CEMIP2: variants seen among roughly 807,000 people sequenced by gnomAD.
CEMIP2 encodes cell surface hyaluronidase CEMIP2.
CEMIP2 carries 79 observed loss-of-function variants against 146.9 expected under a neutral mutation model. That is an observed-to-expected ratio of 0.54 (90% CI 0.45 to 0.65). The LOEUF (loss-of-function observed/expected upper bound fraction) is 0.65. CEMIP2 is among the 30% of genes least tolerant of loss of function. CEMIP2 has a pLI of 0.00. For missense variants in CEMIP2, 1,596 were observed against 1,696.2 expected (o/e 0.94, Z 1.04); for synonymous variants, 601 against 606.3 (o/e 0.99, Z 0.13).
chr9:71,685,341 C>T lies in CEMIP2; in HGVS notation c.4008G>A (p.Lys1336=), dbSNP rs1254629659. 6.3e-7 allele frequency: 1 copy of T among 1,596,256 alleles called. No individual in the cohort carries two copies. Among genetic ancestry groups the T allele is most frequent in the East Asian group, 2.3e-5 (1 of 44,350 alleles). ...FSGNFKPSWT[K]LFTSPAGQGL... ...CCTGTCCAGCAGGACTGGTAAATAG[C>T]TTAGTCCATGATGGTTTAAAGTTTC... Residue 1336 remains lysine (K), a synonymous_variant, in exon 24 of 24, where the codon AAG becomes AAA. Coordinates refer to ENST00000377044, the MANE Select transcript of CEMIP2 (RefSeq NM_013390.3).
chr9:71,720,816 T>C (rs921121717), intron 12 of CEMIP2, among the ~76,000 whole-genome samples: 6 of 152,214 alleles, frequency 3.9e-5, no homozygotes, highest in African/African-American at 7.2e-5. Context: ...TCAGTTCTTT[T>C]CAATAACAAC....
chr9:71,692,177 T>G (rs535797374), intron 21 of CEMIP2, among the ~76,000 whole-genome samples: 1 of 151,704 alleles, frequency 6.6e-6, no homozygotes, highest in South Asian at 2.1e-4. Context: ...GGAAGAGTTT[T>G]CAGATAATGA....
At chr9:71,688,359 T>C (rs1031552476) in intron 22 of CEMIP2, among the ~76,000 whole-genome samples, 1 of 152,092 alleles carries the variant, frequency 6.6e-6, no homozygotes, top group South Asian at 2.1e-4. Flanking sequence ...TTAAGTTTCA[T>C]GCTGGTATGG....
At chr9:71,710,937 T>C (rs1822887574) in intron 16 of CEMIP2, among the ~76,000 whole-genome samples, 1 of 152,214 alleles carries the variant, frequency 6.6e-6, no homozygotes, top group Admixed American at 6.5e-5. Flanking sequence ...TTGATAAACC[T>C]ATCAAGCTCT....
At chr9:71,726,220 C>T (rs12341671) in intron 10 of CEMIP2, among the ~76,000 whole-genome samples, 1,675 of 152,238 alleles carry the variant, frequency 0.011, 31 homozygotes, top group African/African-American at 0.037. Flanking sequence ...AAAAAAACCA[C>T]CACACGTATG....
chr9:71,700,732 G>A lies in CEMIP2; in HGVS notation c.3287C>T (p.Ser1096Phe). 6.2e-7 allele frequency: 1 copy of A among 1,614,002 alleles called. No individual in the cohort carries two copies. Among genetic ancestry groups the A allele is most frequent in the Non-Finnish European group, 8.5e-7 (1 of 1,179,992 alleles). Residue 1096 changes from serine (S) to phenylalanine (F), a missense_variant, in exon 19 of 24, where the codon TCC becomes TTC. Coordinates refer to ENST00000377044, the MANE Select transcript of CEMIP2 (RefSeq NM_013390.3). ...GYLQRQNGSL[S>F]KIEEYEPVHS... The stretch of plus-strand genomic sequence containing the variant: ...CACAGGCTCATATTCTTCGATTTTG[G>A]ATAATGAGCCATTCTGCCGCTGCAA...
rs1822875438 is a variant in CEMIP2 at position 71,710,502 on chromosome 9, G to A, written c.2770-1028C>T. ...CATATTTTCCACCCTTTTAAGTAAAGCAAATTTTGCAAACCGCTCCTTTTA... is the reference window on the plus strand; with the variant it reads ...CATATTTTCCACCCTTTTAAGTAAAACAAATTTTGCAAACCGCTCCTTTTA... On this transcript the variant is annotated intron_variant, in intron 16 of 23. Coordinates refer to ENST00000377044, the MANE Select transcript of CEMIP2 (RefSeq NM_013390.3). Among the ~76,000 whole-genome samples the A allele has an allele frequency of 3.9e-5, 6 of 152,146 alleles. No individual in the cohort carries two copies. In the South Asian group the frequency reaches 8.3e-4, roughly 21 times the overall value.
intron 10 of CEMIP2, among the ~76,000 whole-genome samples, chr9:71,727,156 T>C (rs1320108651): frequency 6.6e-6 from 1 of 152,228 alleles, no homozygotes; most frequent in Non-Finnish European, 1.5e-5. Context: ...CTTTCTTCTT[T>C]TCTCACATGA....
Position 71,708,056 on chromosome 9 carries a change from G to A in CEMIP2, c.2985+1203C>T, listed in dbSNP as rs1000128102. ...AAAAAAACTAGCCGGGCATGGTGGC[G>A]GGCGCCTGTAGTCCAGCTGCTCAGG... On this transcript the variant is annotated intron_variant, in intron 17 of 23. Transcript: ENST00000377044. 4.6e-5 allele frequency among the ~76,000 whole-genome samples: 7 copies of A among 152,274 alleles called. No homozygotes were observed. The East Asian group carries it at 9.7e-4, about 21-fold the overall frequency.
At chr9:71,687,128 G>T (rs2131845568) in intron 22 of CEMIP2, 1 of 152,248 alleles carries the variant, frequency 6.6e-6, no homozygotes, top group South Asian at 2.1e-4. Context: ...ATAAAAACAA[G>T]CCCTTGTATT....
chr9:71,701,551 A>C (rs183901307), intron 18 of CEMIP2, among the ~76,000 whole-genome samples: 1 of 152,322 alleles, frequency 6.6e-6, no homozygotes, highest in Admixed American at 6.5e-5. Context: ...TGGAGAGTGG[A>C]ACTGTACATT....
intron 11 of CEMIP2, 22 bp downstream of exon 11, chr9:71,725,559 T>C: frequency 6.2e-7 from 1 of 1,611,242 alleles, no homozygotes; most frequent in Non-Finnish European, 8.5e-7. Context: ...TATGTACTAA[T>C]TGTTAAAACT....
At chr9:71,741,741 C>A (rs993780548) in intron 4 of CEMIP2, among the ~76,000 whole-genome samples, 1 of 142,530 alleles carries the variant, frequency 7.0e-6, no homozygotes, top group East Asian at 2.2e-4. Context: ...GGGGTTCAAG[C>A]GATTCTCCTG....
At chr9:71,747,402 G>A (rs774054685) in intron 2 of CEMIP2, among the ~76,000 whole-genome samples, 2 of 152,198 alleles carry the variant, frequency 1.3e-5, no homozygotes, top group Non-Finnish European at 2.9e-5. Context: ...AGGAGGCATG[G>A]GGCTGGAGTA....
At position 71,685,114 on chromosome 9, in the gene CEMIP2, T is replaced by G. The variant is rs1210121103; in HGVS notation, c.*83A>C. On this transcript the variant is annotated 3_prime_UTR_variant, in exon 24 of 24. Coordinates refer to ENST00000377044, the MANE Select transcript of CEMIP2 (RefSeq NM_013390.3). ...AAACTGGAAAATGGTTCCGTTGGGT[T>G]AACAGTGTCATTTTAAAATGCCATA... 7.4e-7 allele frequency: 1 copy of G among 1,356,398 alleles called. No individual in the cohort carries two copies. 84.0% of individuals were successfully genotyped at this position (1,356,398 alleles called of 1,614,324 possible).
chr9:71,697,147 T>C (rs572319787), intron 20 of CEMIP2, among the ~76,000 whole-genome samples: 233 of 152,262 alleles, frequency 1.5e-3, no homozygotes, highest in African/African-American at 5.3e-3. Flanking sequence ...AGGATGAGGG[T>C]TGGGCCCAAG....
chr9:71,749,977 G>T, intron 2 of CEMIP2, 66 bp downstream of exon 2: 4 of 1,416,600 alleles, frequency 2.8e-6, no homozygotes, highest in Non-Finnish European at 3.8e-6. Context: ...TTTTTTTTAA[G>T]TATTCTACTA....
chr9:71,756,469 A>T (rs1415828404), intron 1 of CEMIP2, among the ~76,000 whole-genome samples: 2 of 121,248 alleles, frequency 1.6e-5, no homozygotes, highest in Admixed American at 1.7e-4. Context: ...TCAACTACAG[A>T]TTCCTCTCTC....
At position 71,740,125 on chromosome 9, in the gene CEMIP2, C is replaced by G. The variant is rs373146490; in HGVS notation, c.1142G>C (p.Arg381Thr). The change falls in exon 5 of 24, where the codon AGA becomes ACA. Residue 381 changes from arginine to threonine, a missense_variant. Transcript: ENST00000377044. ...CTGGCCATCCACAGTATAAAATTCTCTTTGGGCAAGAGCCTTCCCGCCACT... is the reference window on the plus strand; with the variant it reads ...CTGGCCATCCACAGTATAAAATTCTGTTTGGGCAAGAGCCTTCCCGCCACT... ...HSSGGKALAQ[R>T]EFYTVDGQKF... 2.9e-5 allele frequency: 46 copies of G among 1,613,952 alleles called. No individual in the cohort carries two copies. In the African/African-American group the frequency reaches 5.9e-4, roughly 21 times the overall value.
Sources: gnomAD v4.1 joint callset for allele counts (sites outside exome capture counted in the v4.1 genomes callset) on GRCh38, gnomAD v4.1.1 for gene constraint, MANE v1.5 for transcripts, NCBI Gene and HGNC (gene_info 2026-07-23, HGNC 2026-07-21) for gene names.